Variants in SORBS2 observed in about 807,000 individuals in gnomAD.
The protein encoded by SORBS2 is sorbin and SH3 domain-containing protein 2.
A neutral mutation model predicts 97.7 loss-of-function variants in SORBS2; 46 were observed. That is an observed-to-expected ratio of 0.47 (90% CI 0.37 to 0.60). The LOEUF (loss-of-function observed/expected upper bound fraction) is 0.60, where lower values mean the gene tolerates loss of function less well. SORBS2 is among the 20% of genes least tolerant of loss of function. The probability of loss-of-function intolerance (pLI) is 0.00; values close to 1 mark genes in which losing one functional copy is unlikely to be tolerated. For missense variants in SORBS2, 1,316 were observed against 1,282.3 expected, an observed-to-expected ratio of 1.03 and a Z score of -0.40; for synonymous variants, 476 against 473.4, an observed-to-expected ratio of 1.01 and a Z score of -0.07.
chr4:185,953,053 G>A (rs369776732), intron 1 of SORBS2, among the ~76,000 whole-genome samples: 36 of 152,296 alleles, frequency 2.4e-4, no homozygotes, highest in East Asian at 2.3e-3. Context: ...GGTGGCTCAC[G>A]CCTGTAATCC....
At chr4:185,677,167 C>A in intron 4 of SORBS2, 1 of 1,551,710 alleles carries the variant, frequency 6.4e-7, no homozygotes. Context: ...GTGTGTGTCT[C>A]AGGCACTGGA....
exon 1 of SORBS2, chr4:185,956,233 T>G (rs998102920): frequency 3.9e-5 from 6 of 152,376 alleles, no homozygotes; most frequent in Non-Finnish European, 5.9e-5. Context: ...AAAATCGCTG[T>G]CTTGTCGGCT....
At position 185,684,697 on chromosome 4, in the gene SORBS2, G is replaced by A. The variant is rs576320036; in HGVS notation, c.-197-5875C>T. ...GCTTTTTACGTTTAGAACAAAAACAGTCAGAAGAGCTAGAAGCCATTCAAG... is the reference window on the plus strand; with the variant it reads ...GCTTTTTACGTTTAGAACAAAAACAATCAGAAGAGCTAGAAGCCATTCAAG... On this transcript the variant is annotated intron_variant, in intron 2 of 20. Coordinates refer to the SORBS2 transcript ENST00000284776. The surrounding 1 kb of genome is among the most constrained non-coding windows in gnomAD (Gnocchi z 4.2). 8.3e-7 allele frequency: 1 copy of A among 1,211,308 alleles called. No homozygotes were observed. The highest frequency in any genetic ancestry group is 2.1e-5 in the Admixed American group (1 of 46,562). 75.0% of individuals were successfully genotyped at this position (1,211,308 alleles called of 1,614,324 possible). A position where few individuals can be genotyped will look rare whatever the true frequency, so the allele number is the denominator to read the frequency against.
At chr4:185,668,885 C>T (rs181614643) in intron 4 of SORBS2, among the ~76,000 whole-genome samples, 1 of 152,248 alleles carries the variant, frequency 6.6e-6, no homozygotes, top group East Asian at 1.9e-4. Flanking sequence ...TTTTCTTTCC[C>T]CAACCCTTGA....
intron 2 of SORBS2, among the ~76,000 whole-genome samples, chr4:185,746,779 T>C (rs2098763866): frequency 1.3e-5 from 2 of 152,358 alleles, no homozygotes; most frequent in South Asian, 4.1e-4. Flanking sequence ...TCTACCACTT[T>C]ATGAAGAGAC....
chr4:185,762,504 A>AT (rs2098902475), intron 2 of SORBS2, among the ~76,000 whole-genome samples: 1 of 151,856 alleles, frequency 6.6e-6, no homozygotes, highest in South Asian at 2.1e-4. Context: ...AAAAAAAAAA[A>AT]GGGCACCTGT....
chr4:185,665,391 T>A (rs1242487000), intron 4 of SORBS2, among the ~76,000 whole-genome samples: 1 of 152,202 alleles, frequency 6.6e-6, no homozygotes, highest in East Asian at 1.9e-4. Flanking sequence ...GGGTTAAAAT[T>A]TTTTGAAAAA....
intron 1 of SORBS2, among the ~76,000 whole-genome samples, chr4:185,825,660 A>G (rs1039824104): frequency 1.3e-5 from 2 of 152,080 alleles, no homozygotes; most frequent in South Asian, 2.1e-4. Context: ...TACTGGTATT[A>G]TATTTTTTGT....
chr4:185,827,204 C>T (rs866295301), intron 1 of SORBS2, among the ~76,000 whole-genome samples: 90 of 73,604 alleles, frequency 1.2e-3, no homozygotes, highest in Non-Finnish European at 1.7e-3. Context: ...ATCATCATCA[C>T]CATCATCACC....
chr4:185,937,169 CAGTGAGTGAGTG>C (rs75789532), intron 1 of SORBS2, among the ~76,000 whole-genome samples: 8 of 151,690 alleles, frequency 5.3e-5, no homozygotes, highest in Admixed American at 5.3e-4. Context: ...GTGCTTCTGC[CAGTGAGTGAGTG>C]AGTGAGTGAG....
rs1047108808 is a variant in SORBS2, at chr4:185,676,135, T to G, written c.-46+2288A>C. Among the ~76,000 whole-genome samples the G allele has an allele frequency of 4.1e-4, 62 of 152,224 alleles. 1 individual carries two copies. The highest frequency in any genetic ancestry group is 7.1e-4 in the Non-Finnish European group (48 of 68,032). On this transcript the variant is annotated intron_variant, in intron 4 of 20. Transcript: ENST00000284776. Reference sequence around the variant, plus strand: ...TCTTTTATTAACAGCTGTCATTGAGTGCTTGCTCTAGCCTAGTCTATGGTA... The same window carrying G: ...TCTTTTATTAACAGCTGTCATTGAGGGCTTGCTCTAGCCTAGTCTATGGTA...
intron 14 of SORBS2, chr4:185,589,352 A>T (rs191362024): frequency 3.5e-6 from 1 of 283,558 alleles, no homozygotes; most frequent in African/African-American, 2.2e-5. Context: ...CACAGCACAG[A>T]GCGTTGATAT....
chr4:185,842,711 C>T (rs764401231), intron 1 of SORBS2, among the ~76,000 whole-genome samples: 11 of 151,938 alleles, frequency 7.2e-5, no homozygotes, highest in South Asian at 6.3e-4. Context: ...CCAAGGTAGG[C>T]GGATCATGAG....
intron 2 of SORBS2, among the ~76,000 whole-genome samples, chr4:185,747,939 T>C (rs1196230684): frequency 6.6e-6 from 1 of 151,910 alleles, no homozygotes; most frequent in African/African-American, 2.4e-5. Context: ...TGCAGTGAGC[T>C]GAGACCGTAA....
chr4:185,636,531 GTTAT>G lies in SORBS2; in HGVS notation c.397-5937_397-5934del, dbSNP rs571161208. The stretch of plus-strand genomic sequence containing the variant: ...AAAAAACTATCAGTGTAATTGGTAG[GTTAT>G]TTAAGAGTCTAAAACGCATAAAAAC... On this transcript the variant is annotated intron_variant, in intron 4 of 14. Transcript: ENST00000418609. Among the ~76,000 whole-genome samples, 420 of 152,206 alleles carry G rather than the reference GTTAT, an allele frequency of 2.8e-3. 1 individual carries two copies. Among genetic ancestry groups the G allele is most frequent in the African/African-American group, 9.7e-3 (403 of 41,510 alleles).
chr4:185,603,091 G>A (rs913745721), intron 12 of SORBS2, among the ~76,000 whole-genome samples: 1 of 152,126 alleles, frequency 6.6e-6, no homozygotes, highest in Non-Finnish European at 1.5e-5. Flanking sequence ...AAGAATATAC[G>A]AGAAGAATTT....
At chr4:185,796,497 G>T (rs2099105359) in intron 1 of SORBS2, among the ~76,000 whole-genome samples, 4 of 146,430 alleles carry the variant, frequency 2.7e-5, no homozygotes. Flanking sequence ...GTGAGGCTGG[G>T]CATGCCTGGG....
chr4:185,595,820 A>G (rs2096072204), intron 12 of SORBS2, among the ~76,000 whole-genome samples: 1 of 151,628 alleles, frequency 6.6e-6, no homozygotes, highest in Non-Finnish European at 1.5e-5. Context: ...TTATGCAAAG[A>G]GCTATTTTCT....
At chr4:185,714,023 G>C (rs2153551116) in intron 2 of SORBS2, among the ~76,000 whole-genome samples, 1 of 152,278 alleles carries the variant, frequency 6.6e-6, no homozygotes. Flanking sequence ...GGATGGAACA[G>C]CTACCCACCT....
Sources: allele counts gnomAD v4.1 joint callset (sites outside exome capture counted in the v4.1 genomes callset), GRCh38; gene constraint gnomAD v4.1.1; non-coding constraint Gnocchi (gnomAD v3.1); transcripts MANE v1.5; gene names NCBI Gene and HGNC (gene_info 2026-07-23, HGNC 2026-07-21).